Variants in NAALADL2 observed in about 807,000 individuals in gnomAD.
NAALADL2 encodes the protein inactive N-acetylated-alpha-linked acidic dipeptidase-like protein 2.
NAALADL2 carries 76 observed loss-of-function variants against 87.2 expected under a neutral mutation model. The ratio of observed to expected loss-of-function variants is 0.87; its 90% confidence interval spans 0.72 to 1.05. The LOEUF is 1.05. Among genes scored for constraint, NAALADL2 ranks in the 50% least tolerant of loss-of-function variants. The probability of loss-of-function intolerance (pLI) is 0.00; values close to 1 mark genes in which losing one functional copy is unlikely to be tolerated. For missense variants in NAALADL2, 1,089 were observed against 945.8 expected (o/e 1.15, Z -1.99); for synonymous variants, 354 against 331.0 (o/e 1.07, Z -0.75).
At chr3:174,451,193 T>C (rs1559992545) in intron 1 of NAALADL2, among the ~76,000 whole-genome samples, 1 of 152,192 alleles carries the variant, frequency 6.6e-6, no homozygotes, top group African/African-American at 2.4e-5. Context: ...TTTGAGGATA[T>C]GTCTGTGGAT....
chr3:175,508,265 C>T (rs1380665076), intron 9 of NAALADL2, among the ~76,000 whole-genome samples: 1 of 152,196 alleles, frequency 6.6e-6, no homozygotes. Flanking sequence ...GATAATTCAA[C>T]ATGAGATTTG....
chr3:174,736,833 G>A (rs1011200774), intron 2 of NAALADL2, among the ~76,000 whole-genome samples: 3 of 152,128 alleles, frequency 2.0e-5, no homozygotes, highest in East Asian at 1.9e-4. Flanking sequence ...TTGTGCTGAG[G>A]GGCCCCTGCA....
chr3:175,403,399 G>C (rs1296717892), intron 5 of NAALADL2, among the ~76,000 whole-genome samples: 2 of 152,072 alleles, frequency 1.3e-5, no homozygotes, highest in African/African-American at 2.4e-5. Context: ...CAAAATGTCA[G>C]ATCAATATGG....
At chr3:174,711,195 T>C (rs1210328104) in intron 2 of NAALADL2, among the ~76,000 whole-genome samples, 1 of 152,188 alleles carries the variant, frequency 6.6e-6, no homozygotes, top group African/African-American at 2.4e-5. Flanking sequence ...ATTCAGCACA[T>C]ATTATTCCCC....
At chr3:174,824,347 G>A (rs1289942218) in intron 3 of NAALADL2, among the ~76,000 whole-genome samples, 1 of 152,076 alleles carries the variant, frequency 6.6e-6, no homozygotes, top group South Asian at 2.1e-4. Context: ...GCTAACAATA[G>A]AATGCGACTG....
chr3:174,770,130 A>G (rs1274260341), intron 3 of NAALADL2, among the ~76,000 whole-genome samples: 1 of 152,194 alleles, frequency 6.6e-6, no homozygotes, highest in African/African-American at 2.4e-5. Context: ...ATGTACACAA[A>G]CACACATGCA....
chr3:175,372,488 C>A (rs1408090805), intron 5 of NAALADL2, among the ~76,000 whole-genome samples: 2 of 152,050 alleles, frequency 1.3e-5, no homozygotes, highest in African/African-American at 4.8e-5. Context: ...GATATTAGAC[C>A]CAAGCTCTCT....
At chr3:175,030,059 A>G (rs2108907209) in intron 1 of NAALADL2, among the ~76,000 whole-genome samples, 1 of 152,158 alleles carries the variant, frequency 6.6e-6, no homozygotes, top group East Asian at 1.9e-4. Flanking sequence ...TAACTGCAAG[A>G]CCTTGGGGAT....
intron 2 of NAALADL2, among the ~76,000 whole-genome samples, chr3:174,695,443 C>T (rs1030839405): frequency 6.6e-6 from 1 of 151,942 alleles, no homozygotes; most frequent in Non-Finnish European, 1.5e-5. Flanking sequence ...AGTAACTCTT[C>T]TGCTTTCTGT....
intron 11 of NAALADL2, among the ~76,000 whole-genome samples, chr3:175,671,516 T>G (rs1286641693): frequency 6.6e-6 from 1 of 151,964 alleles, no homozygotes; most frequent in Non-Finnish European, 1.5e-5. Context: ...ATGAAGAGAA[T>G]TTTACTTACA....
chr3:175,586,605 A>T (rs1328890229), intron 10 of NAALADL2, among the ~76,000 whole-genome samples: 1 of 152,210 alleles, frequency 6.6e-6, no homozygotes, highest in Non-Finnish European at 1.5e-5. Context: ...TGCAATGTTT[A>T]TGTAGTACTG....
chr3:175,528,171 GTA>G (rs574886306), intron 9 of NAALADL2, among the ~76,000 whole-genome samples: 1 of 151,778 alleles, frequency 6.6e-6, no homozygotes, highest in African/African-American at 2.4e-5. Context: ...GGATATACAT[GTA>G]TATATATATA....
intron 2 of NAALADL2, among the ~76,000 whole-genome samples, chr3:174,573,101 A>T (rs1715123401): frequency 6.6e-6 from 1 of 152,196 alleles, no homozygotes; most frequent in African/African-American, 2.4e-5. Flanking sequence ...ATGTATGTAT[A>T]TCACATGGAC....
intron 13 of NAALADL2, among the ~76,000 whole-genome samples, chr3:175,787,089 G>C (rs1752099297): frequency 6.6e-6 from 1 of 152,066 alleles, no homozygotes; most frequent in Admixed American, 6.5e-5. Context: ...CCAGCTGTGT[G>C]CTGGGAGAAC....
chr3:175,080,916 T>C (rs1353610743), intron 1 of NAALADL2: 1 of 152,204 alleles, frequency 6.6e-6, no homozygotes, highest in East Asian at 1.9e-4. Context: ...AAGATCTCTT[T>C]GGAGTTAGTG....
chr3:174,927,449 T>C (rs1736237037), intron 1 of NAALADL2, among the ~76,000 whole-genome samples: 1 of 152,156 alleles, frequency 6.6e-6, no homozygotes, highest in Non-Finnish European at 1.5e-5. Context: ...ACTGACCACA[T>C]AGTTGGAAGT....
At chr3:175,620,999 T>G (rs911757882) in intron 10 of NAALADL2, among the ~76,000 whole-genome samples, 5 of 152,272 alleles carry the variant, frequency 3.3e-5, no homozygotes, top group Admixed American at 3.3e-4. Context: ...AAGGAGGCTC[T>G]GACCGGAGGT....
chr3:174,765,606 T>G (rs1386181735), intron 3 of NAALADL2, among the ~76,000 whole-genome samples: 1 of 152,220 alleles, frequency 6.6e-6, no homozygotes, highest in Non-Finnish European at 1.5e-5. Context: ...GACAACAATG[T>G]TGCTTATCTT....
chr3:175,342,514 G>GTGTA (rs1444321938), intron 5 of NAALADL2, among the ~76,000 whole-genome samples: 1 of 151,852 alleles, frequency 6.6e-6, no homozygotes, highest in African/African-American at 2.4e-5. Context: ...GCGTGTGTGT[G>GTGTA]TGTGTGTGTG....
Sources: allele counts gnomAD v4.1 joint callset (sites outside exome capture counted in the v4.1 genomes callset), GRCh38; gene constraint gnomAD v4.1.1; transcripts MANE v1.5; gene names NCBI Gene and HGNC (gene_info 2026-07-23, HGNC 2026-07-21).